KLRG1: variants seen among roughly 807,000 people sequenced by gnomAD.
KLRG1 encodes killer cell lectin-like receptor subfamily G member 1.
A neutral mutation model predicts 21.8 loss-of-function variants in KLRG1; 16 were observed. The ratio of observed to expected loss-of-function variants is 0.73; its 90% CI spans 0.50 to 1.11. The LOEUF is 1.11. Ranked by LOEUF, KLRG1 falls within the 50% of genes most tolerant of loss-of-function variation. The probability of loss-of-function intolerance (pLI) is 0.00; values close to 1 mark genes in which losing one functional copy is unlikely to be tolerated. For missense variants in KLRG1, 173 were observed against 218.3 expected (o/e 0.79, Z 1.31); for synonymous variants, 69 against 75.9 (o/e 0.91, Z 0.47).
At chr12:9,161,016 A>G in the KLRG1 span, 7 of 1,543,876 alleles carry the variant, frequency 4.5e-6, no homozygotes, top group Non-Finnish European at 6.3e-6. Context: ...AGGTTTACTA[A>G]ATGGAAGGTG....
chr12:9,039,137 A>G, the KLRG1 span, among the ~76,000 whole-genome samples: 153 of 152,344 alleles, frequency 1.0e-3, 1 homozygote, highest in East Asian at 6.9e-3. Context: ...AGTTGGTCAT[A>G]TGTATAAAGT....
At chr12:9,065,379 G>T in the KLRG1 span, among the ~76,000 whole-genome samples, 1 of 152,084 alleles carries the variant, frequency 6.6e-6, no homozygotes, top group Non-Finnish European at 1.5e-5. Flanking sequence ...AGGCTCCAGG[G>T]TGCCTACTCC....
chr12:9,020,502 T>C, the KLRG1 span, among the ~76,000 whole-genome samples: 1 of 152,136 alleles, frequency 6.6e-6, no homozygotes, highest in South Asian at 2.1e-4. Context: ...GTACATAGAG[T>C]TTTATAGAAT....
intron 1 of KLRG1, among the ~76,000 whole-genome samples, chr12:8,953,898 C>T (rs964443255): frequency 6.6e-6 from 1 of 152,126 alleles, no homozygotes; most frequent in Non-Finnish European, 1.5e-5. Flanking sequence ...CCCTTCCCCA[C>T]CTGCAAGATT....
chr12:8,983,389 T>TTACAGGCGCCTGCCACCACACCTAGCTAA (rs1259447627), intron 1 of KLRG1, among the ~76,000 whole-genome samples: 1 of 147,052 alleles, frequency 6.8e-6, no homozygotes, highest in African/African-American at 2.5e-5. Context: ...AGTCTTACCA[T>TTACAGGCGCCTGCCACCACACCTAGCTAA]TTTACCTTTT....
At chr12:9,045,232 G>A in the KLRG1 span, among the ~76,000 whole-genome samples, 198 of 152,256 alleles carry the variant, frequency 1.3e-3, 5 homozygotes, top group South Asian at 0.039. Context: ...AACTGAGAGA[G>A]AGAACCACAG....
chr12:9,168,985 AT>A, the KLRG1 span: 1 of 1,583,428 alleles, frequency 6.3e-7, no homozygotes, highest in Non-Finnish European at 8.7e-7. Flanking sequence ...CTGGAAAAAA[AT>A]AATTGTTCAA....
the KLRG1 span, among the ~76,000 whole-genome samples, chr12:9,187,632 G>C: frequency 6.6e-6 from 1 of 152,176 alleles, no homozygotes; most frequent in Non-Finnish European, 1.5e-5. Flanking sequence ...TTTGAAACCA[G>C]TAAGAACAAA....
the KLRG1 span, among the ~76,000 whole-genome samples, chr12:9,046,593 G>A: frequency 1.3e-5 from 2 of 152,200 alleles, no homozygotes; most frequent in African/African-American, 4.8e-5. Context: ...CAAGAAGAGA[G>A]TGGAGTGAAA....
chr12:9,152,718 T>A, the KLRG1 span: 1 of 1,210,570 alleles, frequency 8.3e-7, no homozygotes, highest in Non-Finnish European at 1.1e-6. Flanking sequence ...ATATCAATTC[T>A]AAATTATATT....
intron 1 of KLRG1, among the ~76,000 whole-genome samples, chr12:8,981,653 A>G (rs1455327955): frequency 1.3e-5 from 2 of 152,126 alleles, no homozygotes; most frequent in Non-Finnish European, 2.9e-5. Context: ...ATGGCTGAGT[A>G]TGTAATATAT....
chr12:9,043,546 A>G, the KLRG1 span, among the ~76,000 whole-genome samples: 1 of 152,372 alleles, frequency 6.6e-6, no homozygotes, highest in African/African-American at 2.4e-5. Context: ...GGAAGAGGCT[A>G]AGTGCATTTT....
the KLRG1 span, chr12:9,201,408 A>T: frequency 1.4e-5 from 19 of 1,337,090 alleles, no homozygotes; most frequent in Non-Finnish European, 2.0e-5. Context: ...ACAATTTCAG[A>T]CTTGTGATCA....
chr12:9,070,937 C>T, the KLRG1 span, among the ~76,000 whole-genome samples: 1 of 152,056 alleles, frequency 6.6e-6, no homozygotes, highest in African/African-American at 2.4e-5. Context: ...TCTCCTGCCT[C>T]AGCCTCCCGA....
At chr12:9,083,661 A>G in the KLRG1 span, among the ~76,000 whole-genome samples, 19 of 151,852 alleles carry the variant, frequency 1.3e-4, no homozygotes, top group Non-Finnish European at 1.5e-4. Flanking sequence ...TCATCATGAA[A>G]TCAAACCTTT....
chr12:9,196,747 A>G, the KLRG1 span: 2 of 1,394,898 alleles, frequency 1.4e-6, no homozygotes, highest in Admixed American at 3.4e-5. Context: ...CACTGAATCT[A>G]CTATTCTGTC....
chr12:9,106,682 G>A, the KLRG1 span: 1 of 693,698 alleles, frequency 1.4e-6, no homozygotes, highest in Non-Finnish European at 2.4e-6. Context: ...TAACCGGTGT[G>A]ATTTTTGTGG....
At chr12:9,095,792 G>T in the KLRG1 span, 3 of 1,156,586 alleles carry the variant, frequency 2.6e-6, no homozygotes, top group Non-Finnish European at 2.3e-6. Flanking sequence ...TCGCTCTGTC[G>T]CCCAGGCCGG....
At chr12:9,048,922 G>A in the KLRG1 span, among the ~76,000 whole-genome samples, 703 of 152,318 alleles carry the variant, frequency 4.6e-3, 10 homozygotes, top group African/African-American at 0.016. Flanking sequence ...TACATGATTG[G>A]CTAGGTAAAA....
Sources: gnomAD v4.1 joint callset for allele counts (sites outside exome capture counted in the v4.1 genomes callset) on GRCh38, gnomAD v4.1.1 for gene constraint, MANE v1.5 for transcripts, NCBI Gene and HGNC (gene_info 2026-07-23, HGNC 2026-07-21) for gene names.